Variants in SLC26A9 observed in about 807,000 individuals in gnomAD.
SLC26A9 encodes anion transporter/exchanger protein 9.
SLC26A9 carries 46 observed loss-of-function variants against 87.1 expected under a neutral mutation model. The observed-to-expected ratio is 0.53, with a 90% CI of 0.42 to 0.67. SLC26A9 has a LOEUF of 0.67. Among genes scored for constraint, SLC26A9 ranks in the 30% least tolerant of loss-of-function variants. SLC26A9 has a pLI of 0.00. For missense variants in SLC26A9, 927 were observed against 1,018.3 expected (o/e 0.91, Z 1.22); for synonymous variants, 437 against 409.1 (o/e 1.07, Z -0.82).
At chr1:205,921,257 A>T (rs112406552) in intron 17 of SLC26A9, among the ~76,000 whole-genome samples, 1 of 152,072 alleles carries the variant, frequency 6.6e-6, no homozygotes, top group Admixed American at 6.6e-5. Context: ...TCCTCAGAGA[A>T]CCTGGGTGGG....
intron 6 of SLC26A9, 28 bp from the exon 7 acceptor site, chr1:205,929,384 G>C (rs777221923): frequency 5.0e-6 from 8 of 1,608,748 alleles, no homozygotes; most frequent in South Asian, 1.1e-5. Context: ...ATGCTCACAG[G>C]CTCCCACCCC....
chr1:205,929,873 G>A lies in SLC26A9; in HGVS notation c.717+19C>T. The stretch of plus-strand genomic sequence containing the variant: ...GCTGGAGCCTTGCTCCAATGGCAGG[G>A]GTGCATCCCCAGACTCACAAAGACG... On this transcript the variant is annotated intron_variant, in intron 6 of 20. Transcript: ENST00000367135. 6.4e-7 allele frequency: 1 copy of A among 1,573,180 alleles called. No homozygotes were observed. The highest frequency in any genetic ancestry group is 8.7e-7 in the Non-Finnish European group (1 of 1,150,926).
intron 1 of SLC26A9, among the ~76,000 whole-genome samples, chr1:205,936,166 C>T (rs1435819084): frequency 3.9e-5 from 6 of 152,326 alleles, no homozygotes; most frequent in Admixed American, 3.9e-4. Context: ...GGAGGCCCCA[C>T]TTGATTCAGC....
In SLC26A9 at chr1:205,923,396, G is replaced by A. The variant is rs1319982754; in HGVS notation, c.1598C>T (p.Thr533Met). ...GGCAAAGTAGAGAGGGGAGCAGTACGTGATGATTTTAATCCCCTGGATATC... is the reference window on the plus strand; with the variant it reads ...GGCAAAGTAGAGAGGGGAGCAGTACATGATGATTTTAATCCCCTGGATATC... ...AQDIQGIKIITYCSPLYFANS... is the reference protein window; with the variant it reads ...AQDIQGIKIIMYCSPLYFANS... Residue 533 changes from threonine to methionine, a missense_variant, in exon 15 of 21, where the codon ACG (threonine) becomes ATG (methionine). Thr to Met is a moderately conservative substitution (Grantham distance 81). Transcript: ENST00000367135. 1.2e-5 allele frequency: 19 copies of A among 1,614,108 alleles called. No individual in the cohort carries two copies. Among genetic ancestry groups the A allele is most frequent in the East Asian group, 4.5e-5 (2 of 44,902 alleles).
At chr1:205,926,253 C>T (rs188909506) in intron 12 of SLC26A9, among the ~76,000 whole-genome samples, 9 of 152,198 alleles carry the variant, frequency 5.9e-5, no homozygotes, top group Admixed American at 5.2e-4. Context: ...TCATAGAAAA[C>T]CCTGGGAGGC....
intron 1 of SLC26A9, among the ~76,000 whole-genome samples, chr1:205,939,238 T>C (rs890664434): frequency 3.9e-5 from 6 of 152,180 alleles, no homozygotes; most frequent in Non-Finnish European, 7.3e-5. Context: ...AAACTGCACT[T>C]GATTTAACTC....
chr1:205,915,148 T>C lies in SLC26A9; in HGVS notation c.*209A>G. On this transcript the variant is annotated 3_prime_UTR_variant, in exon 21 of 21. Transcript: ENST00000367135. Reference sequence around the variant, plus strand: ...TGGGCTCACCAGACTCTCACTCCTGTAAGGGTAGCACCCCCCTGCTGCTGA... The same window carrying C: ...TGGGCTCACCAGACTCTCACTCCTGCAAGGGTAGCACCCCCCTGCTGCTGA... The C allele has an allele frequency of 2.5e-6, 4 of 1,613,292 alleles. No individual in the cohort carries two copies. The highest frequency in any genetic ancestry group is 3.4e-6 in the Non-Finnish European group (4 of 1,179,522).
intron 1 of SLC26A9, among the ~76,000 whole-genome samples, chr1:205,936,955 G>T (rs901854897): frequency 1.3e-5 from 2 of 152,166 alleles, no homozygotes; most frequent in African/African-American, 4.8e-5. Flanking sequence ...TATTAATGAG[G>T]CAGAATGGTC....
rs1407480743 is a variant in SLC26A9, at chr1:205,926,622, T to C, written c.1302A>G (p.Leu434=). The C allele has an allele frequency of 5.6e-6, 9 of 1,613,842 alleles. No individual in the cohort carries two copies. Among genetic ancestry groups the C allele is most frequent in the Non-Finnish European group, 6.8e-6 (8 of 1,179,890 alleles). The part of the protein sequence containing the change: ...IYLYPLPKSV[L]GALIAVNLKN... ...TGAGATTGACAGCGATCAGGGCTCC[T>C]AGCACAGACTAGAGAAGCAGAACAT... The change falls in exon 12 of 21, where the codon CTA becomes CTG. Residue 434 remains leucine, a synonymous_variant. Coordinates refer to ENST00000367135, the MANE Select transcript of SLC26A9 (RefSeq NM_052934.4).
chr1:205,915,547 T>TGTGTGTGC (rs1188529665), intron 20 of SLC26A9, 143 bp from the exon 21 acceptor site: 3 of 923,278 alleles, frequency 3.2e-6, no homozygotes, highest in African/African-American at 3.2e-5. Flanking sequence ...TGTGTGTGTG[T>TGTGTGTGC]GCGAGAGTGT....
At chr1:205,941,840 A>G (rs1019796247) in intron 1 of SLC26A9, among the ~76,000 whole-genome samples, 3 of 152,178 alleles carry the variant, frequency 2.0e-5, no homozygotes, top group African/African-American at 7.2e-5. Flanking sequence ...AAATTCCTAG[A>G]AGTCTTTAAG....
chr1:205,929,672 C>T (rs1659228054), intron 6 of SLC26A9, among the ~76,000 whole-genome samples: 1 of 152,186 alleles, frequency 6.6e-6, no homozygotes, highest in Admixed American at 6.5e-5. Flanking sequence ...GGGGAACTGG[C>T]GGAGAATGTA....
chr1:205,917,109 A>AAAAAG (rs1286456728), intron 20 of SLC26A9, among the ~76,000 whole-genome samples, 174 bp downstream of exon 20: 4 of 149,172 alleles, frequency 2.7e-5, no homozygotes, highest in South Asian at 2.1e-4. Context: ...AAAAAAAAAA[A>AAAAAG]AAAAGAAAAG....
chr1:205,929,003 ATCCCACTCCCCTGCC>A (rs1034592260), intron 7 of SLC26A9, 94 bp from the exon 8 acceptor site: 6 of 1,519,656 alleles, frequency 3.9e-6, no homozygotes, highest in African/African-American at 1.4e-5. Flanking sequence ...GGGACCCTGA[ATCCCACTCCCCTGCC>A]TCCTTAGGGG....
At chr1:205,928,994 G>A in intron 7 of SLC26A9, 85 bp from the exon 8 acceptor site, 2 of 1,548,918 alleles carry the variant, frequency 1.3e-6, no homozygotes, top group Non-Finnish European at 1.8e-6. Flanking sequence ...TTTTCTCTGG[G>A]GACCCTGAAT....
chr1:205,915,373 G>C lies in SLC26A9; in HGVS notation c.2360C>G (p.Thr787Ser), dbSNP rs1294138238. ...GCTGAGCCCTCACAGGGCGGTCAGG[G>C]TCTCTGCGTGAAACATGCTCCCGAA... ...EMFGSMFHAE[T>S]LTAL The change falls in exon 21 of 21, where the codon ACC (threonine) becomes AGC (serine). Residue 787 changes from threonine to serine, a missense_variant. Transcript: ENST00000367135. The C allele has an allele frequency of 5.6e-6, 9 of 1,614,154 alleles. No individual in the cohort carries two copies. Among genetic ancestry groups the C allele is most frequent in the Non-Finnish European group, 7.6e-6 (9 of 1,180,022 alleles).
intron 19 of SLC26A9, 74 bp downstream of exon 19, chr1:205,918,766 T>C (rs1658699170): frequency 2.6e-6 from 4 of 1,533,938 alleles, no homozygotes. Context: ...TCCTGTGTTC[T>C]TTCTAATAAT....
At chr1:205,921,313 T>G (rs1306389177) in intron 17 of SLC26A9, among the ~76,000 whole-genome samples, 2 of 152,056 alleles carry the variant, frequency 1.3e-5, no homozygotes, top group Non-Finnish European at 2.9e-5. Flanking sequence ...GCTGGGGGTG[T>G]TGGGAGCACA....
At chr1:205,926,320 G>C (rs1659064736) in intron 12 of SLC26A9, among the ~76,000 whole-genome samples, 1 of 152,174 alleles carries the variant, frequency 6.6e-6, no homozygotes. Context: ...GAAAGGTTAA[G>C]GGGCTTGCTA....
Sources: allele counts gnomAD v4.1 joint callset (sites outside exome capture counted in the v4.1 genomes callset), GRCh38; gene constraint gnomAD v4.1.1; transcripts MANE v1.5; gene names NCBI Gene and HGNC (gene_info 2026-07-23, HGNC 2026-07-21).